Variants in CDH6 observed in about 807,000 individuals in gnomAD.
The protein encoded by CDH6 is cadherin-6.
In CDH6, 31 loss-of-function variants were observed where a neutral mutation model predicts 78.0. That is an observed-to-expected ratio of 0.40 (90% CI 0.30 to 0.54). CDH6 has a LOEUF of 0.54. CDH6 is among the 20% of genes least tolerant of loss of function. The pLI is 0.56. For missense variants in CDH6, 724 were observed against 975.9 expected (o/e 0.74, Z 3.44); for synonymous variants, 376 against 368.8 (o/e 1.02, Z -0.23).
At chr5:31,240,741 C>A (rs779944900) in intron 1 of CDH6, among the ~76,000 whole-genome samples, 1 of 152,174 alleles carries the variant, frequency 6.6e-6, no homozygotes, top group African/African-American at 2.4e-5. Context: ...CATCTGGCAG[C>A]GCAGAGTGAA....
intron 1 of CDH6, among the ~76,000 whole-genome samples, chr5:31,218,043 AT>A (rs1740914599): frequency 6.6e-6 from 1 of 152,144 alleles, no homozygotes; most frequent in Non-Finnish European, 1.5e-5. Flanking sequence ...TATTAAGTTA[AT>A]TTTAATTTGT....
rs12657935 is a variant in CDH6, at chr5:31,255,650, A to G, written c.-128-11696A>G. Reference sequence around the variant, plus strand: ...CGGTCAGTTAACACAAACCTGAATTAGTGAAGATGTCCACACCTTCACAAG... The same window carrying G: ...CGGTCAGTTAACACAAACCTGAATTGGTGAAGATGTCCACACCTTCACAAG... On this transcript the variant is annotated intron_variant, in intron 1 of 11. Transcript: ENST00000265071. Among the ~76,000 whole-genome samples the G allele has an allele frequency of 5.3e-5, 8 of 152,346 alleles. No homozygotes were observed. The East Asian group carries it at 1.5e-3, about 29-fold the overall frequency.
intron 1 of CDH6, among the ~76,000 whole-genome samples, chr5:31,224,388 T>C (rs577764952): frequency 6.6e-6 from 1 of 152,282 alleles, no homozygotes; most frequent in African/African-American, 2.4e-5. Context: ...GGGACACAGC[T>C]AAACCATATC....
chr5:31,235,080 C>A (rs748150180), intron 1 of CDH6, among the ~76,000 whole-genome samples: 5 of 151,934 alleles, frequency 3.3e-5, no homozygotes, highest in African/African-American at 1.2e-4. Flanking sequence ...AGATACTGAG[C>A]GAGTTGCCAA....
intron 11 of CDH6, among the ~76,000 whole-genome samples, chr5:31,320,531 C>T (rs532426320): frequency 1.3e-5 from 2 of 152,246 alleles, no homozygotes; most frequent in South Asian, 4.2e-4. Context: ...CAATGGATGT[C>T]CTTACTTCCA....
chr5:31,323,101 A>G lies in CDH6; in HGVS notation c.2166A>G (p.Glu722=), dbSNP rs142703267. The G allele has an allele frequency of 3.2e-4, 516 of 1,614,176 alleles. 3 individuals are homozygous for G. The East Asian group carries it at 0.011, about 33-fold the overall frequency. The change falls in exon 12 of 12, where the codon GAA becomes GAG. Residue 722 remains glutamate, a synonymous_variant. Coordinates refer to ENST00000265071, the MANE Select transcript of CDH6 (RefSeq NM_004932.4). The part of the protein sequence containing the change: ...VRDFINQRLK[E]NDTDPTAPPY... Reference sequence around the variant, plus strand: ...ATTTCATTAACCAAAGGTTAAAGGAAAATGACACGGACCCCACTGCCCCGC... The same window carrying G: ...ATTTCATTAACCAAAGGTTAAAGGAGAATGACACGGACCCCACTGCCCCGC...
At chr5:31,262,382 G>A (rs778662835) in intron 1 of CDH6, among the ~76,000 whole-genome samples, 1 of 152,188 alleles carries the variant, frequency 6.6e-6, no homozygotes, top group Middle Eastern at 3.4e-3. Flanking sequence ...TAGTTTTCTT[G>A]ACCACCAACC....
rs1561049273 is a variant in CDH6, at chr5:31,265,777, T to TG, written c.-128-1569_-128-1568insG. Among the ~76,000 whole-genome samples, 11 of 134,458 alleles carry TG rather than the reference T, an allele frequency of 8.2e-5. No homozygotes were observed. The South Asian group carries it at 2.7e-3, about 33-fold the overall frequency. 88.2% of individuals were successfully genotyped at this position (134,458 alleles called of 152,430 possible). A position where few individuals can be genotyped will look rare whatever the true frequency, so the allele number is the denominator to read the frequency against. On this transcript the variant is annotated intron_variant, in intron 1 of 11. Coordinates refer to ENST00000265071, the MANE Select transcript of CDH6 (RefSeq NM_004932.4). Reference sequence around the variant, plus strand: ...GTATTATTTAAGACAATGTTTTTTTTTTTTTTTTTTTTTTTGAGATGGAGT... The same window carrying TG: ...GTATTATTTAAGACAATGTTTTTTTTGTTTTTTTTTTTTTTTGAGATGGAGT...
In CDH6 at chr5:31,307,421, T is replaced by G. The variant is rs1049373438; in HGVS notation, c.1253+1994T>G. Among the ~76,000 whole-genome samples the G allele has an allele frequency of 3.9e-5, 6 of 152,340 alleles. No homozygotes were observed. In the East Asian group the frequency reaches 1.2e-3, roughly 29 times the overall value. On this transcript the variant is annotated intron_variant, in intron 7 of 11. Transcript: ENST00000265071. ...CTGGCTTACTTTCAGGGAACAATTT[T>G]AAATCACTGGGCAAATAAACTCTTG...
At chr5:31,245,949 C>T (rs1206061347) in intron 1 of CDH6, among the ~76,000 whole-genome samples, 1 of 146,158 alleles carries the variant, frequency 6.8e-6, no homozygotes, top group East Asian at 2.0e-4. Flanking sequence ...TGCTCGTCAC[C>T]CAGGCTGGAG....
At chr5:31,298,206 G>A (rs1737665711) in intron 4 of CDH6, among the ~76,000 whole-genome samples, 1 of 152,024 alleles carries the variant, frequency 6.6e-6, no homozygotes, top group Non-Finnish European at 1.5e-5. Context: ...CATTTGTATT[G>A]TACAGTAAAT....
At chr5:31,267,838 TC>T in intron 2 of CDH6, 137 bp downstream of exon 2, 2 of 644,526 alleles carry the variant, frequency 3.1e-6, no homozygotes, top group South Asian at 2.0e-5. Flanking sequence ...TTTTTTTTTT[TC>T]CACTTGAGTA....
Position 31,299,386 on chromosome 5 carries a change from ATGT to A in CDH6, c.644-73_644-71del, listed in dbSNP as rs1409928597. 16 of 1,161,866 alleles carry A rather than the reference ATGT, an allele frequency of 1.4e-5. No homozygotes were observed. The African/African-American group carries it at 2.3e-4, about 17-fold the overall frequency. The allele number at this position is 1,161,866 out of a possible 1,614,324, so 72.0% of individuals were successfully genotyped here. On this transcript the variant is annotated intron_variant, in intron 4 of 11. Transcript: ENST00000265071. ...TTTTGCATATTGTGGGTGACAGTTT[ATGT>A]TGTTTGCATAAATCAATGATTCCAT...
At position 31,327,213 on chromosome 5, in the gene CDH6, A is replaced by G. The variant is rs1738642420; in HGVS notation, c.*3905A>G. On this transcript the variant is annotated 3_prime_UTR_variant, in exon 12 of 12. Transcript: ENST00000265071. ...CAATTCTATATACTCAAGCACCATA[A>G]AAAGTATGCAGTTGAAAAGAAAATC... 1 of 187,298 alleles carries G rather than the reference A, an allele frequency of 5.3e-6. No homozygotes were observed. Among genetic ancestry groups the G allele is most frequent in the Non-Finnish European group, 1.1e-5 (1 of 88,668 alleles). 11.6% of individuals were successfully genotyped at this position (187,298 alleles called of 1,614,324 possible). A position where few individuals can be genotyped will look rare whatever the true frequency, so the allele number is the denominator to read the frequency against.
chr5:31,216,013 C>T (rs1049603910), intron 1 of CDH6, among the ~76,000 whole-genome samples: 4 of 152,060 alleles, frequency 2.6e-5, no homozygotes, highest in Non-Finnish European at 5.9e-5. Flanking sequence ...CTATGCCCTC[C>T]TACAGCAAAA....
At chr5:31,238,968 G>T (rs1213972220) in intron 1 of CDH6, among the ~76,000 whole-genome samples, 2 of 152,190 alleles carry the variant, frequency 1.3e-5, no homozygotes, top group African/African-American at 4.8e-5. Flanking sequence ...GTAGTCAAAT[G>T]CCCAAATACA....
At chr5:31,231,014 CATG>C (rs1183756336) in intron 1 of CDH6, among the ~76,000 whole-genome samples, 1 of 152,144 alleles carries the variant, frequency 6.6e-6, no homozygotes, top group Admixed American at 6.5e-5. Context: ...CTTCTAATCA[CATG>C]ATTATATTTT....
intron 7 of CDH6, among the ~76,000 whole-genome samples, chr5:31,307,229 T>A (rs1475500367): frequency 6.6e-6 from 1 of 152,216 alleles, no homozygotes; most frequent in African/African-American, 2.4e-5. Flanking sequence ...TTAACTAATC[T>A]AAAACTCCGT....
intron 1 of CDH6, among the ~76,000 whole-genome samples, chr5:31,256,235 C>T (rs1742050517): frequency 6.6e-6 from 1 of 152,096 alleles, no homozygotes; most frequent in Non-Finnish European, 1.5e-5. Context: ...CAGGAACGGT[C>T]GGTAAGTAAT....
Sources: gnomAD v4.1 joint callset for allele counts (sites outside exome capture counted in the v4.1 genomes callset) on GRCh38, gnomAD v4.1.1 for gene constraint, MANE v1.5 for transcripts, NCBI Gene and HGNC (gene_info 2026-07-23, HGNC 2026-07-21) for gene names.